Variants in MPHOSPH6 observed in about 807,000 individuals in gnomAD.
MPHOSPH6 encodes M-phase phosphoprotein 6.
In MPHOSPH6, 25 loss-of-function variants were observed where a neutral mutation model predicts 21.8. That is an observed-to-expected ratio of 1.15 (90% CI 0.83 to 1.60). The LOEUF is 1.60. Ranked by LOEUF, MPHOSPH6 falls within the 40% of genes most tolerant of loss-of-function variation. The pLI is 0.00. For missense variants in MPHOSPH6, 269 were observed against 181.8 expected, an observed-to-expected ratio of 1.48 and a Z score of -2.76; for synonymous variants, 84 against 56.5, an observed-to-expected ratio of 1.49 and a Z score of -2.18.
At chr16:82,158,609 C>T (rs755641952) in intron 2 of MPHOSPH6, among the ~76,000 whole-genome samples, 9 of 151,544 alleles carry the variant, frequency 5.9e-5, no homozygotes, top group Admixed American at 1.3e-4. Flanking sequence ...AATGTCACAC[C>T]GTAACTATGG....
intron 1 of MPHOSPH6, among the ~76,000 whole-genome samples, chr16:82,169,039 A>G (rs138215271): frequency 7.6e-4 from 116 of 152,360 alleles, no homozygotes; most frequent in African/African-American, 2.2e-3. Flanking sequence ...TACTGCCTGT[A>G]GTCACCTCAA....
intron 2 of MPHOSPH6, among the ~76,000 whole-genome samples, chr16:82,158,475 G>A (rs1211663562): frequency 7.1e-6 from 1 of 141,116 alleles, no homozygotes; most frequent in East Asian, 2.1e-4. Context: ...CTCCAGCCTG[G>A]GTGACAGAGC....
At chr16:82,150,019 T>A (rs1477808279) in intron 3 of MPHOSPH6, among the ~76,000 whole-genome samples, 1 of 152,106 alleles carries the variant, frequency 6.6e-6, no homozygotes, top group Non-Finnish European at 1.5e-5. Flanking sequence ...TGACCTTTTT[T>A]TTTTTAAATG....
intron 2 of MPHOSPH6, among the ~76,000 whole-genome samples, chr16:82,155,904 CA>C (rs529834500): frequency 0.097 from 9,917 of 101,734 alleles, 541 homozygotes; most frequent in African/African-American, 0.21. Flanking sequence ...CACTCTGTCT[CA>C]AAAAAAAAAA....
Position 82,166,302 on chromosome 16 carries a change from T to A in MPHOSPH6, c.52-2108A>T, listed in dbSNP as rs1363188225. Among the ~76,000 whole-genome samples, 5 of 152,232 alleles carry A rather than the reference T, an allele frequency of 3.3e-5. No individual in the cohort carries two copies. The East Asian group carries it at 9.6e-4, about 29-fold the overall frequency. The stretch of plus-strand genomic sequence containing the variant: ...CATTTTACCTGTGTGTACATCCTCA[T>A]CCCAGGAAAGAACTGCAGTTTCTGG... On this transcript the variant is annotated intron_variant, in intron 1 of 4. Transcript: ENST00000258169.
chr16:82,155,475 G>A lies in MPHOSPH6; in HGVS notation c.165-3961C>T, dbSNP rs148584892. Reference sequence around the variant, plus strand: ...TAGCATTACAGAATACGAAGTCAACGTACAACCTTCAATTTCTACACACCC... The same window carrying A: ...TAGCATTACAGAATACGAAGTCAACATACAACCTTCAATTTCTACACACCC... On this transcript the variant is annotated intron_variant, in intron 2 of 4. Transcript: ENST00000258169. Among the ~76,000 whole-genome samples the A allele has an allele frequency of 1.9e-3, 283 of 152,120 alleles. 1 individual carries two copies. The highest frequency in any genetic ancestry group is 6.8e-3 in the Middle Eastern group (2 of 294).
intron 2 of MPHOSPH6, chr16:82,162,194 A>G (rs1444488633): frequency 6.6e-6 from 1 of 152,212 alleles, no homozygotes; most frequent in Non-Finnish European, 1.5e-5. Context: ...ATGACACAAA[A>G]CAGGTTAAGT....
intron 1 of MPHOSPH6, 46 bp downstream of exon 1, chr16:82,170,079 C>T (rs1414000787): frequency 1.3e-6 from 2 of 1,562,102 alleles, no homozygotes; most frequent in South Asian, 1.2e-5. Context: ...GTTGGAAGGA[C>T]CGGGTGCCCC....
rs766111159 is a variant in MPHOSPH6 at position 82,148,714 on chromosome 16, C to T, written c.*17G>A. 25 of 1,613,148 alleles carry T rather than the reference C, an allele frequency of 1.5e-5. No individual in the cohort carries two copies. Among genetic ancestry groups the T allele is most frequent in the South Asian group, 1.1e-4 (10 of 91,024 alleles). ...CTTCCACCAAGCACCCCTGGGCCAT[C>T]GCTTAAGGCATCCATCTTAATCCTG... On this transcript the variant is annotated 3_prime_UTR_variant, in exon 5 of 5. Coordinates refer to ENST00000258169, the MANE Select transcript of MPHOSPH6 (RefSeq NM_005792.2).
intron 2 of MPHOSPH6, among the ~76,000 whole-genome samples, chr16:82,158,897 TCA>T (rs1431042936): frequency 6.6e-6 from 1 of 152,224 alleles, no homozygotes; most frequent in African/African-American, 2.4e-5. Flanking sequence ...TCTATACAAC[TCA>T]TTTTCCAAAT....
intron 1 of MPHOSPH6, among the ~76,000 whole-genome samples, chr16:82,165,385 A>T (rs915178397): frequency 2.0e-5 from 3 of 151,746 alleles, no homozygotes; most frequent in African/African-American, 7.3e-5. Context: ...CGGCCTCCCA[A>T]AGTGCTGGGA....
At chr16:82,154,142 C>T (rs540353385) in intron 2 of MPHOSPH6, among the ~76,000 whole-genome samples, 49 of 152,264 alleles carry the variant, frequency 3.2e-4, no homozygotes, top group African/African-American at 9.9e-4. Flanking sequence ...AAAATTTACC[C>T]TGCAATTGCA....
intron 1 of MPHOSPH6, 36 bp downstream of exon 1, chr16:82,170,089 C>G (rs1191701927): frequency 6.4e-7 from 1 of 1,574,786 alleles, no homozygotes; most frequent in Non-Finnish European, 8.6e-7. Context: ...CCGGGTGCCC[C>G]TACCGCCCGG....
At chr16:82,166,225 G>A (rs1230658142) in intron 1 of MPHOSPH6, among the ~76,000 whole-genome samples, 2 of 152,164 alleles carry the variant, frequency 1.3e-5, no homozygotes, top group African/African-American at 4.8e-5. Context: ...ACTATTTTAA[G>A]TAAAAAGTAA....
rs1906490949 is a variant in MPHOSPH6 at position 82,158,203 on chromosome 16, T to C, written c.164+5879A>G. Among the ~76,000 whole-genome samples the C allele has an allele frequency of 4.6e-5, 7 of 151,964 alleles. No homozygotes were observed. The South Asian group carries it at 1.5e-3, about 32-fold the overall frequency. ...ATTGAAACTCTATATATAAGATACT[T>C]CTTAGCCGGGCGCAGTGGCTCACAC... is the stretch of plus-strand genomic sequence containing the variant. On this transcript the variant is annotated intron_variant, in intron 2 of 4. Coordinates refer to ENST00000258169, the MANE Select transcript of MPHOSPH6 (RefSeq NM_005792.2).
chr16:82,150,013 C>CTTTTT (rs68120502), intron 3 of MPHOSPH6, among the ~76,000 whole-genome samples: 22 of 147,172 alleles, frequency 1.5e-4, no homozygotes, highest in Admixed American at 8.8e-4. Flanking sequence ...ATCCTCTGAC[C>CTTTTT]TTTTTTTTTT....
At chr16:82,164,796 A>G (rs1906713819) in intron 1 of MPHOSPH6, 1 of 152,284 alleles carries the variant, frequency 6.6e-6, no homozygotes, top group Non-Finnish European at 1.5e-5. Flanking sequence ...TACATCTATA[A>G]GTCTGCTCTT....
Position 82,150,848 on chromosome 16 carries a change from A to T in MPHOSPH6, c.255+576T>A, listed in dbSNP as rs988105945. ...GTCCATTTGGTTCATCAAGTACTTGATAGGATGGCTTTTAACATATGAGCC... is the reference window on the plus strand; with the variant it reads ...GTCCATTTGGTTCATCAAGTACTTGTTAGGATGGCTTTTAACATATGAGCC... On this transcript the variant is annotated intron_variant, in intron 3 of 4. Transcript: ENST00000258169. Among the ~76,000 whole-genome samples, 4 of 152,240 alleles carry T rather than the reference A, an allele frequency of 2.6e-5. No individual in the cohort carries two copies. The South Asian group carries it at 8.3e-4, about 32-fold the overall frequency.
At chr16:82,161,364 T>C (rs1045651658) in intron 2 of MPHOSPH6, among the ~76,000 whole-genome samples, 2 of 152,196 alleles carry the variant, frequency 1.3e-5, no homozygotes, top group African/African-American at 2.4e-5. Flanking sequence ...CAGGTCCCTA[T>C]AGCTTCTGAC....
Sources: allele counts gnomAD v4.1 joint callset (sites outside exome capture counted in the v4.1 genomes callset), GRCh38; gene constraint gnomAD v4.1.1; transcripts MANE v1.5; gene names NCBI Gene and HGNC (gene_info 2026-07-23, HGNC 2026-07-21).